The following N4BP2L2 variants were observed in gnomAD, a reference collection of about 807,000 sequenced individuals.
N4BP2L2 encodes the protein NEDD4 binding protein 2 like 2, also known as NEDD4-binding protein 2-like 2.
N4BP2L2 carries 50 observed loss-of-function variants against 56.2 expected under a neutral mutation model. The observed-to-expected ratio is 0.89, with a 90% confidence interval of 0.71 to 1.13. N4BP2L2 has a LOEUF of 1.13. N4BP2L2 is among the 50% of genes most tolerant of loss of function. The pLI is 0.00. For synonymous variants in N4BP2L2, 203 were observed against 223.6 expected (o/e 0.91, Z 0.82); for missense variants, 689 against 693.8 (o/e 0.99, Z 0.08).
chr13:32,497,707 C>A (rs1448793988), intron 6 of N4BP2L2, among the ~76,000 whole-genome samples: 1 of 152,196 alleles, frequency 6.6e-6, no homozygotes, highest in Non-Finnish European at 1.5e-5. Context: ...TAGAATGAGC[C>A]CCATACAAAT....
At position 32,444,845 on chromosome 13, in the gene N4BP2L2, C is replaced by T. The variant is rs552260728; in HGVS notation, c.366-719G>A. Among the ~76,000 whole-genome samples, 4 of 152,288 alleles carry T rather than the reference C, an allele frequency of 2.6e-5. No homozygotes were observed. In the South Asian group the frequency reaches 8.3e-4, roughly 32 times the overall value. ...CTACATGATGTAGTCTACACCACAC[C>T]TAGGCTATATAATATAGCCTATTGC... is the stretch of plus-strand genomic sequence containing the variant. On this transcript the variant is annotated intron_variant, in intron 6 of 9. Transcript: ENST00000357505.
intron 6 of N4BP2L2, among the ~76,000 whole-genome samples, chr13:32,451,222 C>T (rs2077955056): frequency 6.6e-6 from 1 of 151,612 alleles, no homozygotes; most frequent in African/African-American, 2.4e-5. Context: ...TGCTTGAGGC[C>T]AGAAGTTTTA....
chr13:32,453,126 G>A (rs181742633), intron 6 of N4BP2L2, among the ~76,000 whole-genome samples: 55 of 152,282 alleles, frequency 3.6e-4, no homozygotes, highest in Admixed American at 2.0e-4. Flanking sequence ...GAGCATGGTG[G>A]TGGGCGCCTG....
chr13:32,462,398 A>T (rs1421441759), intron 6 of N4BP2L2, among the ~76,000 whole-genome samples: 1 of 152,012 alleles, frequency 6.6e-6, no homozygotes, highest in African/African-American at 2.4e-5. Flanking sequence ...AGCTGATCTC[A>T]TGGAGGTTGA....
At chr13:32,450,907 G>A (rs1186757541) in intron 6 of N4BP2L2, among the ~76,000 whole-genome samples, 3 of 114,124 alleles carry the variant, frequency 2.6e-5, no homozygotes, top group South Asian at 6.2e-4. Context: ...TCTTTCTGAC[G>A]TGTTCTCCAT....
intron 2 of N4BP2L2, among the ~76,000 whole-genome samples, chr13:32,531,522 T>G (rs2054792367): frequency 6.6e-6 from 1 of 152,298 alleles, no homozygotes; most frequent in Non-Finnish European, 1.5e-5. Context: ...CATGAACACT[T>G]TTCCTCCTTA....
At chr13:32,483,914 G>T (rs1420328374) in intron 6 of N4BP2L2, among the ~76,000 whole-genome samples, 1 of 150,972 alleles carries the variant, frequency 6.6e-6, no homozygotes, top group Non-Finnish European at 1.5e-5. Context: ...AACCCTGGAG[G>T]CAGAGGTTGC....
chr13:32,463,494 T>C lies in N4BP2L2; in HGVS notation c.366-19368A>G, dbSNP rs144485108. On this transcript the variant is annotated intron_variant, in intron 6 of 9. Coordinates refer to the N4BP2L2 transcript ENST00000357505. ...GCCTGGCCAACATGGTGAAACCCCATCTCTACTAAAAATACAAAAATTAGC... is the reference window on the plus strand; with the variant it reads ...GCCTGGCCAACATGGTGAAACCCCACCTCTACTAAAAATACAAAAATTAGC... Among the ~76,000 whole-genome samples the C allele has an allele frequency of 9.4e-3, 1,428 of 151,796 alleles. 25 individuals carry two copies. The highest frequency in any genetic ancestry group is 0.033 in the African/African-American group (1,364 of 41,378).
At chr13:32,468,574 T>A (rs2081669271) in intron 6 of N4BP2L2, among the ~76,000 whole-genome samples, 1 of 152,202 alleles carries the variant, frequency 6.6e-6, no homozygotes, top group African/African-American at 2.4e-5. Flanking sequence ...TGTATTCCAA[T>A]ATACTGGAAG....
chr13:32,530,636 T>C lies in N4BP2L2; in HGVS notation c.1260-3104A>G, dbSNP rs974829755. Among the ~76,000 whole-genome samples, 7 of 152,326 alleles carry C rather than the reference T, an allele frequency of 4.6e-5. No homozygotes were observed. In the South Asian group the frequency reaches 6.2e-4, roughly 14 times the overall value. On this transcript the variant is annotated intron_variant, in intron 2 of 5. Coordinates refer to ENST00000267068, the Ensembl canonical transcript of N4BP2L2. ...TTTTACATAAATCTATGACCTCATT[T>C]AATCCTCATAAAAGCCTGCCAATTT...
At chr13:32,516,130 G>C (rs1423424680) in exon 6 of N4BP2L2, 1 of 152,150 alleles carries the variant, frequency 6.6e-6, no homozygotes, top group Non-Finnish European at 1.5e-5. Context: ...TGTTTCACCT[G>C]TCCCAAAATG....
chr13:32,514,617 C>A (rs556072423), exon 6 of N4BP2L2: 2 of 151,804 alleles, frequency 1.3e-5, no homozygotes, highest in Non-Finnish European at 2.9e-5. Flanking sequence ...CCAGTCTATA[C>A]AACAGAAAGA....
chr13:32,514,682 T>G (rs1408925118), exon 6 of N4BP2L2: 1 of 152,212 alleles, frequency 6.6e-6, no homozygotes, highest in Non-Finnish European at 1.5e-5. Flanking sequence ...AGAATTTTGA[T>G]GAAAAATTGT....
At chr13:32,484,173 A>G (rs191469270) in intron 6 of N4BP2L2, among the ~76,000 whole-genome samples, 1 of 151,734 alleles carries the variant, frequency 6.6e-6, no homozygotes, top group African/African-American at 2.4e-5. Flanking sequence ...AAATACAAAT[A>G]TTAGCCAAGT....
exon 1 of N4BP2L2, chr13:32,538,707 G>A (rs1399233474): frequency 1.0e-6 from 1 of 985,302 alleles, no homozygotes; most frequent in African/African-American, 1.7e-5. Context: ...AAGAAAAGCG[G>A]AGACAGCACT....
intron 6 of N4BP2L2, among the ~76,000 whole-genome samples, chr13:32,445,808 A>T (rs2076971082): frequency 6.6e-6 from 1 of 152,270 alleles, no homozygotes; most frequent in African/African-American, 2.4e-5. Context: ...GAAAGTTCAT[A>T]GCTCCCTTTA....
chr13:32,523,031 AG>A (rs2051434401), intron 3 of N4BP2L2: 1 of 152,218 alleles, frequency 6.6e-6, no homozygotes, highest in South Asian at 2.1e-4. Context: ...GAGTTGCTGT[AG>A]AATGGAACTT....
exon 6 of N4BP2L2, chr13:32,512,866 T>G (rs1221293426): frequency 1.3e-5 from 2 of 152,122 alleles, no homozygotes; most frequent in Non-Finnish European, 2.9e-5. Context: ...CCCGTCTCTA[T>G]TAAAAACACA....
intron 6 of N4BP2L2, among the ~76,000 whole-genome samples, chr13:32,497,369 T>C (rs906768363): frequency 3.3e-5 from 5 of 152,238 alleles, no homozygotes; most frequent in Non-Finnish European, 5.9e-5. Context: ...GAGGCCTCCT[T>C]GCTCCCAAGA....
Sources: gnomAD v4.1 joint callset for allele counts (sites outside exome capture counted in the v4.1 genomes callset) on GRCh38, gnomAD v4.1.1 for gene constraint, MANE v1.5 for transcripts, NCBI Gene and HGNC (gene_info 2026-07-23, HGNC 2026-07-21) for gene names.